The following GRIK2 variants were observed in gnomAD, a reference collection of about 807,000 sequenced individuals.
The protein encoded by GRIK2 is glutamate ionotropic receptor kainate type subunit 2.
Under a neutral mutation model 100.3 loss-of-function variants are expected in GRIK2, and 32 were observed. The observed-to-expected ratio is 0.32, with a 90% CI of 0.24 to 0.43. The LOEUF is 0.43. GRIK2 is among the 20% of genes least tolerant of loss of function. GRIK2 has a pLI of 1.00. For synonymous variants in GRIK2, 417 were observed against 389.4 expected (o/e 1.07, Z -0.83); for missense variants, 843 against 1,114.9 (o/e 0.76, Z 3.47).
chr6:101,478,677 C>G (rs976463608), intron 2 of GRIK2, among the ~76,000 whole-genome samples: 1 of 150,754 alleles, frequency 6.6e-6, no homozygotes, highest in Non-Finnish European at 1.5e-5. Flanking sequence ...CCACACCTGG[C>G]TAATATTTTT....
At chr6:101,543,688 G>A (rs1014951564) in intron 2 of GRIK2, among the ~76,000 whole-genome samples, 1 of 152,158 alleles carries the variant, frequency 6.6e-6, no homozygotes, top group Admixed American at 6.5e-5. Context: ...CAGTCTCTCT[G>A]TGACTGGGTG....
intron 14 of GRIK2, among the ~76,000 whole-genome samples, chr6:101,931,756 T>C (rs996837104): frequency 2.4e-4 from 36 of 152,164 alleles, no homozygotes; most frequent in Non-Finnish European, 3.7e-4. Flanking sequence ...TAGGAGATAG[T>C]GGTTCTCACA....
chr6:101,886,724 A>G (rs981119943), intron 11 of GRIK2, among the ~76,000 whole-genome samples: 3 of 151,462 alleles, frequency 2.0e-5, no homozygotes, highest in Non-Finnish European at 2.9e-5. Flanking sequence ...CTCCTATCCA[A>G]CTGAAGTTTT....
Position 101,882,562 on chromosome 6 carries a change from T to C in GRIK2, c.1525-7078T>C, listed in dbSNP as rs968048801. 8.7e-5 allele frequency among the ~76,000 whole-genome samples: 13 copies of C among 148,908 alleles called. 1 individual carries two copies. Among genetic ancestry groups the C allele is most frequent in the African/African-American group, 3.2e-4 (13 of 40,918 alleles). On this transcript the variant is annotated intron_variant, in intron 11 of 16. Coordinates refer to ENST00000369134, the MANE Select transcript of GRIK2 (RefSeq NM_021956.5). Reference sequence around the variant, plus strand: ...TGAAGCAGCAGCTAAATCTATTACTTTTTTTTTTTAAATGATTTCCTATTC... The same window carrying C: ...TGAAGCAGCAGCTAAATCTATTACTCTTTTTTTTTAAATGATTTCCTATTC...
At chr6:101,441,574 A>G (rs1387718859) in intron 2 of GRIK2, among the ~76,000 whole-genome samples, 4 of 152,166 alleles carry the variant, frequency 2.6e-5, no homozygotes, top group Non-Finnish European at 5.9e-5. Context: ...TTCCACCTTG[A>G]TAGACTTTCA....
intron 3 of GRIK2, among the ~76,000 whole-genome samples, chr6:101,625,419 T>TAA (rs879618205): frequency 4.6e-5 from 7 of 151,214 alleles, no homozygotes; most frequent in Admixed American, 2.0e-4. Context: ...AATAAATAAA[T>TAA]ATGAAGTGGG....
intron 2 of GRIK2, among the ~76,000 whole-genome samples, chr6:101,464,068 A>C (rs1206801851): frequency 6.6e-6 from 1 of 152,228 alleles, no homozygotes; most frequent in Non-Finnish European, 1.5e-5. Context: ...ACTTGATTAC[A>C]ATACCCTCTA....
At chr6:101,459,549 C>G (rs1258124430) in intron 2 of GRIK2, among the ~76,000 whole-genome samples, 1 of 152,066 alleles carries the variant, frequency 6.6e-6, no homozygotes. Flanking sequence ...AGTGGTGATT[C>G]TTCCTAGAGG....
chr6:101,720,257 G>T (rs941803778), intron 7 of GRIK2, among the ~76,000 whole-genome samples: 1 of 151,784 alleles, frequency 6.6e-6, no homozygotes, highest in Non-Finnish European at 1.5e-5. Context: ...GTGTTTGTCC[G>T]TTCAAACTGT....
At chr6:102,028,672 T>C (rs1214634918) in intron 14 of GRIK2, among the ~76,000 whole-genome samples, 3 of 137,512 alleles carry the variant, frequency 2.2e-5, no homozygotes, top group Non-Finnish European at 5.0e-5. Context: ...CTCTTGGCTT[T>C]ATCTGGCTAA....
intron 2 of GRIK2, among the ~76,000 whole-genome samples, chr6:101,417,690 A>G (rs776497134): frequency 6.6e-6 from 1 of 152,206 alleles, no homozygotes; most frequent in Non-Finnish European, 1.5e-5. Flanking sequence ...GGCTTTTGCA[A>G]GTTATGAGAA....
In GRIK2 at chr6:101,924,613, T is replaced by C. The variant is rs1206042413; in HGVS notation, c.1761T>C (p.Tyr587=). 1.3e-6 allele frequency: 2 copies of C among 1,549,764 alleles called. No individual in the cohort carries two copies. The highest frequency in any genetic ancestry group is 1.8e-6 in the Non-Finnish European group (2 of 1,121,666). The change falls in exon 13 of 17, where the codon TAT becomes TAC. Residue 587 remains tyrosine, a synonymous_variant. Transcript: ENST00000369134. The part of the protein sequence containing the change: ...VLFVIARFSP[Y]EWYNPHPCNP... Reference sequence around the variant, plus strand: ...TCAATTACCACAGGTTTAGTCCTTATGAGTGGTATAATCCACACCCTTGCA... The same window carrying C: ...TCAATTACCACAGGTTTAGTCCTTACGAGTGGTATAATCCACACCCTTGCA...
intron 4 of GRIK2, among the ~76,000 whole-genome samples, chr6:101,651,681 A>G (rs1258616001): frequency 2.0e-5 from 3 of 152,096 alleles, no homozygotes; most frequent in Non-Finnish European, 4.4e-5. Context: ...TTAAAGTGAG[A>G]ACTTAAAAAA....
chr6:101,521,925 G>A (rs906927140), intron 2 of GRIK2, among the ~76,000 whole-genome samples: 4 of 151,994 alleles, frequency 2.6e-5, no homozygotes, highest in African/African-American at 9.7e-5. Context: ...TATCTAAACA[G>A]TAAAGCAAGA....
At chr6:101,477,111 A>C (rs919941588) in intron 2 of GRIK2, among the ~76,000 whole-genome samples, 4 of 152,202 alleles carry the variant, frequency 2.6e-5, no homozygotes, top group African/African-American at 9.7e-5. Flanking sequence ...ACTGTATAAA[A>C]TAAAGTAAAA....
At chr6:101,796,873 T>C (rs750620772) in intron 7 of GRIK2, among the ~76,000 whole-genome samples, 2 of 152,120 alleles carry the variant, frequency 1.3e-5, no homozygotes, top group Non-Finnish European at 2.9e-5. Flanking sequence ...AATAATATTA[T>C]CTAATTTTTA....
At chr6:101,849,780 T>G (rs944081679) in intron 10 of GRIK2, among the ~76,000 whole-genome samples, 5 of 148,948 alleles carry the variant, frequency 3.4e-5, no homozygotes, top group Admixed American at 1.3e-4. Flanking sequence ...CTTTTTCATT[T>G]GGCCCATAGG....
intron 14 of GRIK2, among the ~76,000 whole-genome samples, chr6:102,006,517 A>C (rs1335746562): frequency 1.3e-5 from 2 of 150,944 alleles, no homozygotes; most frequent in Admixed American, 1.3e-4. Flanking sequence ...ACAGGCATAC[A>C]CCTCCACTCC....
At chr6:101,595,710 G>GTATATATATATATATATA (rs1380908125) in intron 2 of GRIK2, among the ~76,000 whole-genome samples, 8 of 125,908 alleles carry the variant, frequency 6.4e-5, no homozygotes, top group African/African-American at 2.5e-4. Flanking sequence ...GTGTGTGTGT[G>GTATATATATATATATATA]TGTGTGTGTA....
Sources: allele counts gnomAD v4.1 joint callset (sites outside exome capture counted in the v4.1 genomes callset), GRCh38; gene constraint gnomAD v4.1.1; transcripts MANE v1.5; gene names NCBI Gene and HGNC (gene_info 2026-07-23, HGNC 2026-07-21).